USP3: variants seen among roughly 807,000 people sequenced by gnomAD.
The protein encoded by USP3 is ubiquitin carboxyl-terminal hydrolase 3.
In USP3, 20 loss-of-function variants were observed where a neutral mutation model predicts 72.3. That is an observed-to-expected ratio of 0.28 (90% confidence interval 0.19 to 0.40). The LOEUF (loss-of-function observed/expected upper bound fraction) is 0.40. Among genes scored for constraint, USP3 ranks in the 10% least tolerant of loss-of-function variants. The probability of loss-of-function intolerance (pLI) is 1.00; values close to 1 mark genes in which losing one functional copy is unlikely to be tolerated. For synonymous variants in USP3, 222 were observed against 225.3 expected (o/e 0.99, Z 0.13); for missense variants, 479 against 633.9 (o/e 0.76, Z 2.62).
At chr15:63,524,452 C>T (rs1339569337) in intron 1 of USP3, among the ~76,000 whole-genome samples, 2 of 152,216 alleles carry the variant, frequency 1.3e-5, no homozygotes, top group Non-Finnish European at 2.9e-5. Flanking sequence ...AACAGCCATA[C>T]ATCCTAGAAG....
intron 11 of USP3, among the ~76,000 whole-genome samples, chr15:63,583,437 A>C (rs1595773866): frequency 6.6e-6 from 1 of 152,206 alleles, no homozygotes; most frequent in African/African-American, 2.4e-5. Context: ...CCTGCATGAC[A>C]GAGGAAGAAG....
intron 11 of USP3, among the ~76,000 whole-genome samples, chr15:63,584,414 T>G (rs1420765503): frequency 6.6e-6 from 1 of 152,148 alleles, no homozygotes; most frequent in Non-Finnish European, 1.5e-5. Flanking sequence ...AAGGTTTTAA[T>G]TTCTCCACTT....
intron 1 of USP3, among the ~76,000 whole-genome samples, chr15:63,516,193 A>G (rs1426196644): frequency 6.6e-6 from 1 of 152,150 alleles, no homozygotes; most frequent in Non-Finnish European, 1.5e-5. Flanking sequence ...ATGTTCCTTT[A>G]AACCTGTCAA....
rs1016605463 is a variant in USP3 at position 63,512,069 on chromosome 15, C to T, written c.91+7239C>T. On this transcript the variant is annotated intron_variant, in intron 1 of 14. Transcript: ENST00000380324. ...CCTCTCGGGCTCAAGTAATTCTTTG[C>T]CTCAGCCTCCTGAGTGGCTGGGATT... 2.7e-5 allele frequency among the ~76,000 whole-genome samples: 4 copies of T among 149,374 alleles called. No individual in the cohort carries two copies. In the South Asian group the frequency reaches 8.4e-4, roughly 31 times the overall value.
In USP3 at chr15:63,570,618, A is replaced by G; in HGVS notation, c.908+39A>G. 1 of 1,573,176 alleles carries G rather than the reference A, an allele frequency of 6.4e-7. No homozygotes were observed. The highest frequency in any genetic ancestry group is 8.6e-7 in the Non-Finnish European group (1 of 1,160,710). On this transcript the variant is annotated intron_variant, in intron 9 of 14. Transcript: ENST00000380324. This position sits in a 1 kb window ranked among gnomAD's most constrained non-coding sequence, Gnocchi z 4.4. ...GCCTTCTGTTTTTTAGGAGGGCCTCAGACATTTCTTTTGGTGTTAATTATG... is the reference window on the plus strand; with the variant it reads ...GCCTTCTGTTTTTTAGGAGGGCCTCGGACATTTCTTTTGGTGTTAATTATG...
rs1033727258 is a variant in USP3, at chr15:63,594,562, T to A, written c.*3736T>A. 4.6e-5 allele frequency: 7 copies of A among 152,238 alleles called. No homozygotes were observed. The highest frequency in any genetic ancestry group is 7.3e-5 in the Non-Finnish European group (5 of 68,028). The allele number at this position is 152,238 out of a possible 1,614,324, so 9.4% of individuals were successfully genotyped here. On this transcript the variant is annotated 3_prime_UTR_variant, in exon 15 of 15. Transcript: ENST00000380324. ...GCAAGTGACTGATTCATTTAAATTG[T>A]AATCACATCCCTTTTCTGCTTCACC...
chr15:63,578,569 G>A (rs1232398386), intron 11 of USP3, among the ~76,000 whole-genome samples: 4 of 146,518 alleles, frequency 2.7e-5, no homozygotes, highest in Non-Finnish European at 5.9e-5. Flanking sequence ...CCGAGACGGC[G>A]CCACTGCACT....
chr15:63,530,326 C>CTTT (rs764559960), intron 1 of USP3, among the ~76,000 whole-genome samples: 2 of 124,330 alleles, frequency 1.6e-5, no homozygotes, highest in Non-Finnish European at 3.4e-5. Context: ...TTACATCCAT[C>CTTT]TTTTTTTTTT....
At chr15:63,566,312 T>C (rs1186731761) in intron 8 of USP3, among the ~76,000 whole-genome samples, 1 of 152,042 alleles carries the variant, frequency 6.6e-6, no homozygotes, top group Non-Finnish European at 1.5e-5. Flanking sequence ...GCTTTTTTTT[T>C]TTTTAATTTT....
chr15:63,533,324 C>T (rs2066106444), intron 2 of USP3, among the ~76,000 whole-genome samples: 1 of 152,108 alleles, frequency 6.6e-6, no homozygotes, highest in South Asian at 2.1e-4. Flanking sequence ...CATTAAAATA[C>T]TACTTTCTAT....
intron 1 of USP3, chr15:63,527,712 A>G (rs1389821120): frequency 2.6e-5 from 4 of 152,214 alleles, no homozygotes; most frequent in South Asian, 2.1e-4. Flanking sequence ...GCATGGATTA[A>G]TTAGGCCTCT....
At chr15:63,510,645 A>T (rs1054411392) in intron 1 of USP3, among the ~76,000 whole-genome samples, 8 of 152,108 alleles carry the variant, frequency 5.3e-5, no homozygotes, top group Admixed American at 2.0e-4. Flanking sequence ...GCTTGGAAGG[A>T]AGTACTTTGA....
chr15:63,560,886 G>A (rs183470314), intron 7 of USP3, among the ~76,000 whole-genome samples: 85 of 152,230 alleles, frequency 5.6e-4, no homozygotes, highest in African/African-American at 1.9e-3. Flanking sequence ...TTCTCTGTCT[G>A]CCTCCTCCAC....
chr15:63,537,755 G>A (rs2066180130), intron 3 of USP3, among the ~76,000 whole-genome samples: 1 of 151,890 alleles, frequency 6.6e-6, no homozygotes, highest in Non-Finnish European at 1.5e-5. Flanking sequence ...GCGCAATATC[G>A]GCTCACCTCA....
At chr15:63,546,046 A>G (rs2066322427) in intron 3 of USP3, among the ~76,000 whole-genome samples, 1 of 151,852 alleles carries the variant, frequency 6.6e-6, no homozygotes, top group Non-Finnish European at 1.5e-5. Context: ...GTAAGTAAAA[A>G]CTTGCTTAGG....
At chr15:63,560,309 G>A (rs759703381) in intron 7 of USP3, among the ~76,000 whole-genome samples, 4 of 151,834 alleles carry the variant, frequency 2.6e-5, no homozygotes, top group East Asian at 1.9e-4. Context: ...CCAGCTACTC[G>A]GGAGGCTGAG....
intron 5 of USP3, 105 bp downstream of exon 5, chr15:63,556,853 G>A (rs1447491455): frequency 2.4e-6 from 2 of 839,014 alleles, no homozygotes; most frequent in Non-Finnish European, 3.7e-6. Context: ...TTTTATAAAT[G>A]TGTGTCTTGG....
chr15:63,590,715 C>T lies in USP3; in HGVS notation c.1452C>T (p.His484=), dbSNP rs1393599557. 2 of 1,613,840 alleles carry T rather than the reference C, an allele frequency of 1.2e-6. No homozygotes were observed. The highest frequency in any genetic ancestry group is 2.2e-5 in the South Asian group (2 of 91,048). ...AYATHEGRWF[H]FNDSTVTLTD... ...CAACTCACGAAGGCCGCTGGTTCCA[C>T]TTCAATGACAGTACTGTAACACTGA... The change falls in exon 15 of 15, where the codon CAC becomes CAT. Residue 484 remains histidine (H), a synonymous_variant. Transcript: ENST00000380324.
intron 14 of USP3, among the ~76,000 whole-genome samples, chr15:63,590,052 T>C (rs1566922325): frequency 6.6e-6 from 1 of 152,270 alleles, no homozygotes; most frequent in Admixed American, 6.5e-5. Flanking sequence ...TTGCTTGTTC[T>C]TCCCGGTATT....
Sources: allele counts gnomAD v4.1 joint callset (sites outside exome capture counted in the v4.1 genomes callset), GRCh38; gene constraint gnomAD v4.1.1; non-coding constraint Gnocchi (gnomAD v3.1); transcripts MANE v1.5; gene names NCBI Gene and HGNC (gene_info 2026-07-23, HGNC 2026-07-21).